The following PPARGC1B variants were observed in gnomAD, a reference collection of about 807,000 sequenced individuals.
The protein encoded by PPARGC1B is PPARG coactivator 1 beta.
A neutral mutation model predicts 101.6 loss-of-function variants in PPARGC1B; 34 were observed. That is an observed-to-expected ratio of 0.33 (90% CI 0.25 to 0.45). The LOEUF (loss-of-function observed/expected upper bound fraction) is 0.45, where lower values mean the gene tolerates loss of function less well. Among genes scored for constraint, PPARGC1B ranks in the 20% least tolerant of loss-of-function variants. PPARGC1B has a pLI of 1.00. For synonymous variants in PPARGC1B, 548 were observed against 539.3 expected (o/e 1.02, Z -0.22); for missense variants, 1,234 against 1,317.6 (o/e 0.94, Z 0.98).
rs547802856 is a variant in PPARGC1B at position 149,759,198 on chromosome 5, G to GT, written c.78+28784dup. 2.0e-3 allele frequency among the ~76,000 whole-genome samples: 311 copies of GT among 152,226 alleles called. 2 individuals carry two copies. Among genetic ancestry groups the GT allele is most frequent in the African/African-American group, 7.1e-3 (295 of 41,536 alleles). ...AGATCTTCATTAAGGTTTAAAGAAG[G>GT]TTTTTTCCATGGCCTTAAATTGGTT... On this transcript the variant is annotated intron_variant, in intron 1 of 11. Transcript: ENST00000309241.
chr5:149,768,159 T>C (rs556456064), intron 1 of PPARGC1B, among the ~76,000 whole-genome samples: 1 of 152,196 alleles, frequency 6.6e-6, no homozygotes, highest in Non-Finnish European at 1.5e-5. Context: ...TTCAGTGCTT[T>C]GTGGCAGTCT....
chr5:149,826,865 G>T lies in PPARGC1B; in HGVS notation c.445G>T (p.Glu149Ter). ...APEKPSAPAP[E>*]VDELSLLQKL... ...GGAGAAGCCCTCGGCCCCAGCCCCT[G>T]AGGTGGACGAGCTCTCACTGGTAAG... Residue 149 changes from glutamate (E) to a stop codon, truncating the protein, a stop_gained, in exon 3 of 12, where the codon GAG becomes TAG. Transcript: ENST00000309241. LOFTEE classifies it high-confidence loss of function. 1 of 1,612,164 alleles carries T rather than the reference G, an allele frequency of 6.2e-7. No individual in the cohort carries two copies. Among genetic ancestry groups the T allele is most frequent in the Non-Finnish European group, 8.5e-7 (1 of 1,178,776 alleles).
At chr5:149,772,164 T>G in intron 1 of PPARGC1B, 1 of 1,608,002 alleles carries the variant, frequency 6.2e-7, no homozygotes, top group Non-Finnish European at 8.5e-7. Context: ...AGAGGTTGTT[T>G]AGGTGGCGTT....
chr5:149,732,890 T>C, intron 1 of PPARGC1B: 1 of 458,462 alleles, frequency 2.2e-6, no homozygotes, highest in Admixed American at 2.4e-5. Context: ...TCAGAAGGCC[T>C]GAGTGGAGTC....
At chr5:149,750,506 A>G (rs888134231) in intron 1 of PPARGC1B, among the ~76,000 whole-genome samples, 4 of 145,676 alleles carry the variant, frequency 2.7e-5, no homozygotes, top group African/African-American at 1.0e-4. Context: ...AGGGGAAGGA[A>G]GGTGTCAGTG....
chr5:149,772,099 GCT>G, intron 1 of PPARGC1B: 1 of 1,585,014 alleles, frequency 6.3e-7, no homozygotes. Flanking sequence ...CTGGGTTGGG[GCT>G]GCCCCAGGAC....
At chr5:149,769,379 C>T (rs943555319) in intron 1 of PPARGC1B, among the ~76,000 whole-genome samples, 32 of 152,184 alleles carry the variant, frequency 2.1e-4, no homozygotes, top group African/African-American at 6.3e-4. Flanking sequence ...TGCATAACGT[C>T]TTATACTTTT....
At chr5:149,757,290 C>T (rs957219238) in intron 1 of PPARGC1B, among the ~76,000 whole-genome samples, 11 of 150,298 alleles carry the variant, frequency 7.3e-5, no homozygotes, top group East Asian at 2.0e-4. Context: ...AGTACACAAA[C>T]GATTTGTGAA....
intron 1 of PPARGC1B, among the ~76,000 whole-genome samples, chr5:149,811,166 T>C (rs1581082603): frequency 6.6e-6 from 1 of 152,246 alleles, no homozygotes; most frequent in East Asian, 1.9e-4. Flanking sequence ...GGTGCCAGCA[T>C]TGAAACCGCA....
At chr5:149,756,995 T>C (rs933862895) in intron 1 of PPARGC1B, among the ~76,000 whole-genome samples, 1 of 152,158 alleles carries the variant, frequency 6.6e-6, no homozygotes, top group Non-Finnish European at 1.5e-5. Flanking sequence ...GATACAGCGG[T>C]GAGCCCCACC....
In PPARGC1B at chr5:149,832,155, A is replaced by T. The variant is rs1426618737; in HGVS notation, c.583-501A>T. Among the ~76,000 whole-genome samples the T allele has an allele frequency of 6.6e-6, 1 of 152,052 alleles. No homozygotes were observed. Among genetic ancestry groups the T allele is most frequent in the Non-Finnish European group, 1.5e-5 (1 of 68,004 alleles). On this transcript the variant is annotated intron_variant, in intron 4 of 11. Transcript: ENST00000309241. The surrounding 1 kb of genome is among the most constrained non-coding windows in gnomAD (Gnocchi z 4.9). ...AACCTTGTCTCTACTAAAAAATACA[A>T]AAAATTAGCCGGGTGTGGTGATGCA...
chr5:149,762,068 T>G (rs1755735759), intron 1 of PPARGC1B, among the ~76,000 whole-genome samples: 1 of 151,874 alleles, frequency 6.6e-6, no homozygotes, highest in Admixed American at 6.6e-5. Context: ...TGGGTTCTCC[T>G]GGGGACCTGT....
At chr5:149,818,906 A>G in intron 1 of PPARGC1B, 1 of 456,548 alleles carries the variant, frequency 2.2e-6, no homozygotes, top group South Asian at 1.6e-5. Flanking sequence ...CCCAAAGTCC[A>G]CAACTGGTGA....
intron 10 of PPARGC1B, among the ~76,000 whole-genome samples, chr5:149,843,459 C>G (rs1759429208): frequency 6.6e-6 from 1 of 152,068 alleles, no homozygotes; most frequent in African/African-American, 2.4e-5. Context: ...ACTTCTTGCC[C>G]ATTAGGATGG....
intron 1 of PPARGC1B, among the ~76,000 whole-genome samples, chr5:149,799,690 G>GTTTTT (rs369350284): frequency 0.036 from 2,300 of 64,060 alleles, 84 homozygotes; most frequent in Non-Finnish European, 0.044. Context: ...TTTGCTTGTT[G>GTTTTT]TTGTTTTTTT....
At chr5:149,834,877 GGAGTTGGTGTTTA>G (rs1758980943) in intron 6 of PPARGC1B, among the ~76,000 whole-genome samples, 167 bp downstream of exon 6, 1 of 152,196 alleles carries the variant, frequency 6.6e-6, no homozygotes, top group Non-Finnish European at 1.5e-5. Flanking sequence ...CCTTTAGAAG[GGAGTTGGTGTTTA>G]GAAACTGACT....
At chr5:149,846,910 C>G (rs916982049) in intron 11 of PPARGC1B, 4 of 165,744 alleles carry the variant, frequency 2.4e-5, no homozygotes, top group African/African-American at 9.6e-5. Context: ...CATGGTGAAA[C>G]CCCCTCTCTA....
intron 1 of PPARGC1B, among the ~76,000 whole-genome samples, chr5:149,749,151 A>G (rs535643973): frequency 8.3e-4 from 126 of 152,278 alleles, no homozygotes; most frequent in Non-Finnish European, 1.5e-3. Context: ...CCACAGAACC[A>G]CTAGGTACAG....
In PPARGC1B at chr5:149,833,710, A is replaced by G; in HGVS notation, c.1637A>G (p.Glu546Gly). The G allele has an allele frequency of 6.2e-7, 1 of 1,604,668 alleles. No individual in the cohort carries two copies. Among genetic ancestry groups the G allele is most frequent in the Non-Finnish European group, 8.5e-7 (1 of 1,177,294 alleles). Reference sequence around the variant, plus strand: ...CGGGGACCCCAGATCCCTGCCCTGGAGAGCCCCTGTGAGAGTGGGTGTGGG... The same window carrying G: ...CGGGGACCCCAGATCCCTGCCCTGGGGAGCCCCTGTGAGAGTGGGTGTGGG... Reference protein sequence around the residue: ...LLRGPQIPALESPCESGCGDM... With the variant: ...LLRGPQIPALGSPCESGCGDM... The change falls in exon 5 of 12, where the codon GAG becomes GGG. Residue 546 changes from glutamate to glycine, a missense_variant. Glu to Gly is a moderately conservative substitution (Grantham distance 98, BLOSUM62 -2). Around this residue, in one of 3 missense-constraint regions of PPARGC1B, gnomAD observed 734 missense variants for 768.4 expected, o/e 0.96. Coordinates refer to ENST00000309241, the MANE Select transcript of PPARGC1B (RefSeq NM_133263.4). The surrounding 1 kb of genome is among the most constrained non-coding windows in gnomAD (Gnocchi z 4.1).
Sources: allele counts gnomAD v4.1 joint callset (sites outside exome capture counted in the v4.1 genomes callset), GRCh38; gene constraint gnomAD v4.1.1; regional missense constraint gnomAD v4.1.1; non-coding constraint Gnocchi (gnomAD v3.1); transcripts MANE v1.5; gene names NCBI Gene and HGNC (gene_info 2026-07-23, HGNC 2026-07-21).